Variants in LPP observed in about 807,000 individuals in gnomAD.
LPP encodes the protein LIM domain containing preferred translocation partner in lipoma.
Under a neutral mutation model 60.4 loss-of-function variants are expected in LPP, and 38 were observed. That is an observed-to-expected ratio of 0.63 (90% CI 0.49 to 0.83). The LOEUF (loss-of-function observed/expected upper bound fraction) is 0.83. LPP is among the 40% of genes least tolerant of loss of function. The probability of loss-of-function intolerance (pLI) is 0.00; values close to 1 mark genes in which losing one functional copy is unlikely to be tolerated. For missense variants in LPP, 902 were observed against 783.6 expected (o/e 1.15, Z -1.80); for synonymous variants, 328 against 290.8 (o/e 1.13, Z -1.30).
chr3:188,500,623 A>T (rs1386647621), intron 5 of LPP, among the ~76,000 whole-genome samples: 1 of 152,124 alleles, frequency 6.6e-6, no homozygotes, highest in East Asian at 1.9e-4. Flanking sequence ...AGATTTGAGG[A>T]TAATTGTTGT....
chr3:188,777,716 A>G (rs1230790404), intron 9 of LPP, among the ~76,000 whole-genome samples: 2 of 152,130 alleles, frequency 1.3e-5, no homozygotes, highest in African/African-American at 4.8e-5. Context: ...CGTTCTGTTA[A>G]TATTTGTTGA....
intron 9 of LPP, among the ~76,000 whole-genome samples, chr3:188,768,385 A>G (rs1734807968): frequency 1.3e-5 from 2 of 152,224 alleles, no homozygotes; most frequent in Non-Finnish European, 2.9e-5. Context: ...ATAAATGCAG[A>G]AATCCTAAGT....
At chr3:188,159,906 T>G (rs1717684828) in intron 1 of LPP, among the ~76,000 whole-genome samples, 1 of 82,472 alleles carries the variant, frequency 1.2e-5, no homozygotes, top group Non-Finnish European at 3.2e-5. Context: ...TATTTTTTTG[T>G]TTGTTTGTTT....
chr3:188,613,307 T>TATCTATATC (rs894426024), intron 7 of LPP, among the ~76,000 whole-genome samples: 1 of 147,996 alleles, frequency 6.8e-6, no homozygotes, highest in South Asian at 2.1e-4. Flanking sequence ...TCTATATCTA[T>TATCTATATC]ATCTATATAT....
chr3:188,242,257 T>A (rs932490523), intron 2 of LPP, among the ~76,000 whole-genome samples: 1 of 152,202 alleles, frequency 6.6e-6, no homozygotes, highest in Non-Finnish European at 1.5e-5. Context: ...TTGTTCAACC[T>A]ATTTCTAACT....
chr3:188,367,011 C>T (rs1368925486), intron 3 of LPP, among the ~76,000 whole-genome samples: 1 of 152,064 alleles, frequency 6.6e-6, no homozygotes, highest in African/African-American at 2.4e-5. Flanking sequence ...ATTCTCCTGC[C>T]TCAGCCTCCC....
intron 7 of LPP, among the ~76,000 whole-genome samples, chr3:188,677,756 A>G (rs1242113667): frequency 6.6e-6 from 1 of 152,136 alleles, no homozygotes; most frequent in Admixed American, 6.5e-5. Context: ...ATTCAGCCTA[A>G]CAAATGTTAT....
intron 7 of LPP, among the ~76,000 whole-genome samples, chr3:188,687,775 C>CTTTTTTTTTTTTTTTTTTT (rs61574227): frequency 8.7e-5 from 11 of 127,148 alleles, no homozygotes; most frequent in Non-Finnish European, 1.3e-4. Flanking sequence ...GTCTTATACT[C>CTTTTTTTTTTTTTTTTTTT]TTTTTTTTTT....
chr3:188,863,955 TAA>T (rs58464588), intron 9 of LPP, among the ~76,000 whole-genome samples: 16 of 108,682 alleles, frequency 1.5e-4, no homozygotes, highest in African/African-American at 2.9e-4. Context: ...CAGGGCTGAC[TAA>T]AAAAAAAAAA....
intron 6 of LPP, among the ~76,000 whole-genome samples, chr3:188,545,930 G>A (rs1401875326): frequency 6.6e-5 from 10 of 152,106 alleles, no homozygotes; most frequent in East Asian, 3.9e-4. Context: ...AGACACTGTC[G>A]TGACCATCTG....
chr3:188,795,954 G>A (rs889938826), intron 9 of LPP, among the ~76,000 whole-genome samples: 2 of 152,110 alleles, frequency 1.3e-5, no homozygotes, highest in African/African-American at 2.4e-5. Context: ...GGTGGGGTGC[G>A]CCTTATTTTT....
chr3:188,839,283 C>G (rs757033294), intron 9 of LPP, among the ~76,000 whole-genome samples: 7 of 152,148 alleles, frequency 4.6e-5, no homozygotes, highest in Non-Finnish European at 1.0e-4. Context: ...TTAATAGAAT[C>G]TTATCTAAAT....
intron 4 of LPP, among the ~76,000 whole-genome samples, chr3:188,449,120 T>C (rs558254741): frequency 6.6e-6 from 1 of 152,298 alleles, no homozygotes; most frequent in African/African-American, 2.4e-5. Flanking sequence ...ACCAGGAGTT[T>C]TGAAACTTTT....
At position 188,752,403 on chromosome 3, in the gene LPP, G is replaced by GT. The variant is rs562131932; in HGVS notation, c.1241-7709dup. Among the ~76,000 whole-genome samples the GT allele has an allele frequency of 7.2e-5, 11 of 152,306 alleles. No individual in the cohort carries two copies. The East Asian group carries it at 1.2e-3, about 16-fold the overall frequency. The stretch of plus-strand genomic sequence containing the variant: ...AACTTGTCTAGGCTGCCAATAGCTA[G>GT]TAACAAAGGCAAGAATTGCATATCT... On this transcript the variant is annotated intron_variant, in intron 8 of 11. Coordinates refer to ENST00000617246, the MANE Select transcript of LPP (RefSeq NM_001375462.1).
At chr3:188,775,060 T>G (rs1019723299) in intron 9 of LPP, among the ~76,000 whole-genome samples, 7 of 151,274 alleles carry the variant, frequency 4.6e-5, no homozygotes, top group Admixed American at 2.6e-4. Context: ...TTAGTGTTTT[T>G]TTTTTTTTTT....
At chr3:188,645,683 C>T (rs999910530) in intron 7 of LPP, among the ~76,000 whole-genome samples, 18 of 152,020 alleles carry the variant, frequency 1.2e-4, no homozygotes, top group Admixed American at 3.9e-4. Flanking sequence ...CTACTGAGCC[C>T]TTCTTTTCTT....
intron 5 of LPP, among the ~76,000 whole-genome samples, chr3:188,512,842 T>C (rs1816212714): frequency 6.6e-6 from 1 of 152,172 alleles, no homozygotes; most frequent in African/African-American, 2.4e-5. Flanking sequence ...TTGAAATGTA[T>C]CATGCCTGAG....
intron 2 of LPP, among the ~76,000 whole-genome samples, chr3:188,232,070 A>G (rs1003274363): frequency 6.6e-6 from 1 of 152,160 alleles, no homozygotes; most frequent in African/African-American, 2.4e-5. Flanking sequence ...TTTCCAGAGC[A>G]TCCTTCTCTT....
intron 3 of LPP, among the ~76,000 whole-genome samples, chr3:188,349,473 C>T (rs370190227): frequency 9.2e-5 from 14 of 152,086 alleles, no homozygotes; most frequent in African/African-American, 3.1e-4. Context: ...TCTGAGTCCT[C>T]GTGTGTTTAA....
Sources: allele counts gnomAD v4.1 joint callset (sites outside exome capture counted in the v4.1 genomes callset), GRCh38; gene constraint gnomAD v4.1.1; transcripts MANE v1.5; gene names NCBI Gene and HGNC (gene_info 2026-07-23, HGNC 2026-07-21).